TMPRSS11F: variants seen among roughly 807,000 people sequenced by gnomAD.
TMPRSS11F encodes the protein transmembrane serine protease 11F.
In TMPRSS11F, 47 loss-of-function variants were observed where a neutral mutation model predicts 60.2. The observed-to-expected ratio is 0.78, with a 90% CI of 0.62 to 1.00. TMPRSS11F has a LOEUF of 1.00. TMPRSS11F is among the 50% of genes least tolerant of loss of function. The pLI is 0.00. For missense variants in TMPRSS11F, 519 were observed against 522.9 expected (o/e 0.99, Z 0.07); for synonymous variants, 166 against 167.3 (o/e 0.99, Z 0.06).
At chr4:68,110,288 T>A (rs905616992) in intron 1 of TMPRSS11F, among the ~76,000 whole-genome samples, 2 of 152,082 alleles carry the variant, frequency 1.3e-5, no homozygotes, top group Non-Finnish European at 2.9e-5. Flanking sequence ...GGAGAACAAA[T>A]ACAATATTCA....
intron 3 of TMPRSS11F, among the ~76,000 whole-genome samples, chr4:68,082,701 G>A (rs1278432867): frequency 6.6e-6 from 1 of 152,258 alleles, no homozygotes; most frequent in Non-Finnish European, 1.5e-5. Context: ...TTGGGTTAGA[G>A]CACATAGTTC....
intron 1 of TMPRSS11F, among the ~76,000 whole-genome samples, chr4:68,107,435 G>A (rs1577932191): frequency 6.6e-6 from 1 of 152,120 alleles, no homozygotes; most frequent in South Asian, 2.1e-4. Context: ...CTCTGCAAAG[G>A]TGATATCTAA....
intron 3 of TMPRSS11F, among the ~76,000 whole-genome samples, chr4:68,078,454 T>C (rs1480904508): frequency 6.6e-6 from 1 of 152,212 alleles, no homozygotes; most frequent in African/African-American, 2.4e-5. Flanking sequence ...ATTATCACAC[T>C]GGTTTACAAT....
chr4:68,116,890 A>G (rs1724531322), intron 1 of TMPRSS11F, among the ~76,000 whole-genome samples: 1 of 152,200 alleles, frequency 6.6e-6, no homozygotes, highest in African/African-American at 2.4e-5. Flanking sequence ...TAAAACTCTT[A>G]GAAGAAAACA....
chr4:68,102,985 T>TG (rs1553888147), intron 1 of TMPRSS11F, among the ~76,000 whole-genome samples: 1 of 3,918 alleles, frequency 2.6e-4, no homozygotes, highest in Non-Finnish European at 0.031. Flanking sequence ...TTTTGAGTTG[T>TG]TTTTTTTTTT....
At chr4:68,112,610 T>C (rs554834646) in intron 1 of TMPRSS11F, among the ~76,000 whole-genome samples, 3 of 152,160 alleles carry the variant, frequency 2.0e-5, no homozygotes, top group African/African-American at 7.2e-5. Flanking sequence ...TATCAATAAA[T>C]AATCAAATGT....
At chr4:68,123,262 T>TA (rs1329311849) in intron 1 of TMPRSS11F, among the ~76,000 whole-genome samples, 2 of 152,320 alleles carry the variant, frequency 1.3e-5, no homozygotes, top group African/African-American at 2.4e-5. Flanking sequence ...TTGCTGCTCT[T>TA]ATTAGATCAA....
chr4:68,128,430 A>G (rs1002463348), intron 1 of TMPRSS11F, among the ~76,000 whole-genome samples: 1 of 152,092 alleles, frequency 6.6e-6, no homozygotes. Context: ...TCAACTTAAT[A>G]ATAAAACCAA....
chr4:68,098,299 T>A (rs1724112069), intron 2 of TMPRSS11F, among the ~76,000 whole-genome samples: 1 of 151,928 alleles, frequency 6.6e-6, no homozygotes, highest in Non-Finnish European at 1.5e-5. Context: ...CTCAAGAATC[T>A]GTCTCAAAAA....
intron 1 of TMPRSS11F, among the ~76,000 whole-genome samples, chr4:68,124,312 C>G (rs1447948163): frequency 6.6e-6 from 1 of 151,766 alleles, no homozygotes; most frequent in Non-Finnish European, 1.5e-5. Context: ...CTTTTGAGCT[C>G]AGGAGCTCAA....
chr4:68,114,483 T>C (rs1724472809), intron 1 of TMPRSS11F, among the ~76,000 whole-genome samples: 1 of 152,094 alleles, frequency 6.6e-6, no homozygotes, highest in South Asian at 2.1e-4. Context: ...GATAAATCTT[T>C]TTGAAATACA....
chr4:68,105,049 G>GTTTTTTTTTTTTTT (rs34041075), intron 1 of TMPRSS11F, among the ~76,000 whole-genome samples: 3 of 55,192 alleles, frequency 5.4e-5, no homozygotes, highest in Admixed American at 2.9e-4. Context: ...TTCCCTCTAG[G>GTTTTTTTTTTTTTT]TTTTTTTTTT....
At chr4:68,062,136 A>G (rs1286738517) in intron 8 of TMPRSS11F, 1 of 440,402 alleles carries the variant, frequency 2.3e-6, no homozygotes, top group African/African-American at 2.0e-5. Flanking sequence ...GGGACTGGCC[A>G]AACTATGTTT....
intron 2 of TMPRSS11F, among the ~76,000 whole-genome samples, chr4:68,091,978 G>A (rs1424787803): frequency 6.6e-6 from 1 of 151,900 alleles, no homozygotes; most frequent in African/African-American, 2.4e-5. Context: ...GTAGAGAACA[G>A]TTTCACCATG....
At chr4:68,076,068 T>C (rs905747663) in intron 3 of TMPRSS11F, among the ~76,000 whole-genome samples, 3 of 152,142 alleles carry the variant, frequency 2.0e-5, no homozygotes, top group Non-Finnish European at 4.4e-5. Context: ...AGAAATTATG[T>C]TACAGTTAAC....
chr4:68,091,747 A>ATCTCTCTCTCTCTCTCTC (rs372346277), intron 2 of TMPRSS11F, among the ~76,000 whole-genome samples: 3 of 71,586 alleles, frequency 4.2e-5, no homozygotes, highest in African/African-American at 1.3e-4. Flanking sequence ...TTAATCTCTA[A>ATCTCTCTCTCTCTCTCTC]TCTCTCTCTC....
chr4:68,105,853 C>T (rs940608844), intron 1 of TMPRSS11F, among the ~76,000 whole-genome samples: 2 of 152,056 alleles, frequency 1.3e-5, no homozygotes, highest in Non-Finnish European at 2.9e-5. Context: ...ATAAACCTAT[C>T]AGTATTTACT....
chr4:68,064,977 C>T (rs746160480), intron 7 of TMPRSS11F, 33 bp from the exon 8 acceptor site: 16 of 1,580,088 alleles, frequency 1.0e-5, no homozygotes, highest in Non-Finnish European at 7.7e-6. Context: ...ACTTGTGATG[C>T]TTGACTTAAT....
At chr4:68,127,081 T>C (rs1247038524) in intron 1 of TMPRSS11F, among the ~76,000 whole-genome samples, 1 of 152,180 alleles carries the variant, frequency 6.6e-6, no homozygotes. Context: ...AATCAACTTT[T>C]ATTATGTAGT....
Sources: gnomAD v4.1 joint callset for allele counts (sites outside exome capture counted in the v4.1 genomes callset) on GRCh38, gnomAD v4.1.1 for gene constraint, MANE v1.5 for transcripts, NCBI Gene and HGNC (gene_info 2026-07-23, HGNC 2026-07-21) for gene names.